Variants in RYR2 observed in about 807,000 individuals in gnomAD.
The protein encoded by RYR2 is cardiac muscle ryanodine receptor-calcium release channel.
A neutral mutation model predicts 601.1 loss-of-function variants in RYR2; 227 were observed. The ratio of observed to expected loss-of-function variants is 0.38; its 90% CI spans 0.34 to 0.42. The LOEUF (loss-of-function observed/expected upper bound fraction) is 0.42, where lower values mean the gene tolerates loss of function less well. Among genes scored for constraint, RYR2 ranks in the 10% least tolerant of loss-of-function variants. RYR2 has a pLI of 1.00. For missense variants in RYR2, 4,646 were observed against 6,156.5 expected (o/e 0.75, Z 8.21); for synonymous variants, 2,223 against 2,175.1 (o/e 1.02, Z -0.61).
intron 80 of RYR2, among the ~76,000 whole-genome samples, chr1:237,748,484 C>T (rs1692267087): frequency 6.6e-6 from 1 of 152,176 alleles, no homozygotes; most frequent in African/African-American, 2.4e-5. Flanking sequence ...CACAGTCTCT[C>T]CTTATCCATT....
At chr1:237,592,188 A>G (rs549546113) in intron 32 of RYR2, among the ~76,000 whole-genome samples, 47 of 152,312 alleles carry the variant, frequency 3.1e-4, no homozygotes, top group Admixed American at 2.5e-3. Context: ...ATCAATCATC[A>G]TAATTTGTGA....
intron 5 of RYR2, among the ~76,000 whole-genome samples, chr1:237,369,024 A>G (rs986840361): frequency 1.3e-5 from 2 of 151,766 alleles, no homozygotes; most frequent in African/African-American, 4.8e-5. Flanking sequence ...GGGTTTTGCC[A>G]TGTTGGCCAG....
intron 51 of RYR2, among the ~76,000 whole-genome samples, chr1:237,652,820 G>A (rs1449375617): frequency 6.6e-6 from 1 of 152,040 alleles, no homozygotes; most frequent in East Asian, 1.9e-4. Flanking sequence ...GTTAAGCCAA[G>A]CAAATTAGAA....
At chr1:237,063,400 G>A (rs1256316363) in intron 1 of RYR2, among the ~76,000 whole-genome samples, 1 of 151,964 alleles carries the variant, frequency 6.6e-6, no homozygotes, top group East Asian at 1.9e-4. Context: ...ATTAGCTTGT[G>A]AGTTATTCAT....
At chr1:237,752,186 T>A (rs181643360) in intron 80 of RYR2, among the ~76,000 whole-genome samples, 102 of 152,246 alleles carry the variant, frequency 6.7e-4, no homozygotes, top group African/African-American at 2.3e-3. Flanking sequence ...GGAAACTTCA[T>A]GTTTGTTTGT....
intron 56 of RYR2, among the ~76,000 whole-genome samples, chr1:237,666,027 C>G (rs964979548): frequency 2.0e-5 from 3 of 152,150 alleles, no homozygotes; most frequent in Non-Finnish European, 2.9e-5. Flanking sequence ...AAAGAAGTCT[C>G]TTCCTCGAGG....
In RYR2 at chr1:237,706,840, C is replaced by G. The variant is rs1236424740; in HGVS notation, c.9581-109C>G. 3.4e-6 allele frequency: 3 copies of G among 875,798 alleles called. No individual in the cohort carries two copies. In the Admixed American group the frequency reaches 5.9e-5, roughly 17 times the overall value. The allele number at this position is 875,798 out of a possible 1,614,324, so 54.3% of individuals were successfully genotyped here. A position where few individuals can be genotyped will look rare whatever the true frequency, so the allele number is the denominator to read the frequency against. ...GAAGGAGCCAGTTGCAGGCATGCCACGTCTTGCTAAATTTTGAAGTCCAAA... is the reference window on the plus strand; with the variant it reads ...GAAGGAGCCAGTTGCAGGCATGCCAGGTCTTGCTAAATTTTGAAGTCCAAA... On this transcript the variant is annotated intron_variant, in intron 67 of 104. Coordinates refer to ENST00000366574, the MANE Select transcript of RYR2 (RefSeq NM_001035.3).
At chr1:237,644,657 G>C (rs543760728) in intron 48 of RYR2, among the ~76,000 whole-genome samples, 2 of 152,096 alleles carry the variant, frequency 1.3e-5, no homozygotes, top group Non-Finnish European at 2.9e-5. Flanking sequence ...CAAATGTAAG[G>C]TGTTTTTTTT....
intron 1 of RYR2, among the ~76,000 whole-genome samples, chr1:237,235,881 T>C (rs1209326155): frequency 1.3e-5 from 2 of 152,204 alleles, no homozygotes; most frequent in Non-Finnish European, 2.9e-5. Context: ...CGTGCATATG[T>C]ATGTTGGAGG....
intron 1 of RYR2, among the ~76,000 whole-genome samples, chr1:237,053,246 A>G (rs1453974282): frequency 1.3e-5 from 2 of 152,234 alleles, no homozygotes; most frequent in Non-Finnish European, 2.9e-5. Flanking sequence ...GCTGGGAGTC[A>G]TGATCAGCTT....
intron 101 of RYR2, 98 bp from the exon 102 acceptor site, chr1:237,828,282 AG>A: frequency 1.3e-6 from 1 of 749,870 alleles, no homozygotes; most frequent in Non-Finnish European, 2.2e-6. Context: ...GCATTTTGCA[AG>A]GTAGTTGTAC....
intron 1 of RYR2, among the ~76,000 whole-genome samples, chr1:237,104,298 C>G (rs1435666144): frequency 6.6e-6 from 1 of 152,094 alleles, no homozygotes; most frequent in Non-Finnish European, 1.5e-5. Flanking sequence ...CTCCAGCTGT[C>G]CCTTTCATTA....
chr1:237,477,059 C>T (rs1572504159), intron 17 of RYR2, among the ~76,000 whole-genome samples: 2 of 152,070 alleles, frequency 1.3e-5, no homozygotes, highest in South Asian at 2.1e-4. Flanking sequence ...TAAAACCCAC[C>T]AAATCCATTA....
chr1:237,632,301 T>A (rs1432913197), intron 42 of RYR2, among the ~76,000 whole-genome samples: 1 of 152,154 alleles, frequency 6.6e-6, no homozygotes, highest in Non-Finnish European at 1.5e-5. Flanking sequence ...GACACAGACA[T>A]TGGTTGGTTT....
chr1:237,528,081 T>A (rs1667765442), intron 24 of RYR2, among the ~76,000 whole-genome samples: 1 of 152,130 alleles, frequency 6.6e-6, no homozygotes, highest in African/African-American at 2.4e-5. Flanking sequence ...TATTTAATAA[T>A]GGCCCCAATG....
At chr1:237,822,023 A>C (rs1372621732) in intron 101 of RYR2, among the ~76,000 whole-genome samples, 1 of 152,090 alleles carries the variant, frequency 6.6e-6, no homozygotes, top group Non-Finnish European at 1.5e-5. Flanking sequence ...ATATGGGACT[A>C]TGTGAAAAGA....
chr1:237,668,411 G>GTTA (rs1459202042), intron 58 of RYR2, among the ~76,000 whole-genome samples: 1 of 152,026 alleles, frequency 6.6e-6, no homozygotes, highest in Non-Finnish European at 1.5e-5. Flanking sequence ...TGTTCTCTTA[G>GTTA]TTATTTCTCA....
intron 29 of RYR2, among the ~76,000 whole-genome samples, chr1:237,586,044 C>T (rs1674485355): frequency 6.6e-6 from 1 of 152,144 alleles, no homozygotes; most frequent in Admixed American, 6.5e-5. Context: ...TTTCCATCAC[C>T]TCCTTTTTAA....
rs2150448517 is a variant in RYR2, at chr1:237,496,642, C to A, written c.2093C>A (p.Ala698Asp). ...GCAACTCACCTGCGAGTGGGCTGGG[C>A]TTCCACTGAAGGATATTCTCCCTAC... ...AEATHLRVGWASTEGYSPYPG... is the reference protein window; with the variant it reads ...AEATHLRVGWDSTEGYSPYPG... The change falls in exon 20 of 105, where the codon GCT becomes GAT. Residue 698 changes from alanine to aspartate, a missense_variant. Physicochemically the swap from Ala to Asp is moderately radical, Grantham distance 126. Around this residue, in one of 17 missense-constraint regions of RYR2, gnomAD observed 1,807 missense variants for 2,088.1 expected, o/e 0.87. Transcript: ENST00000366574. 5 of 1,613,978 alleles carry A rather than the reference C, an allele frequency of 3.1e-6. No individual in the cohort carries two copies. Among genetic ancestry groups the A allele is most frequent in the Non-Finnish European group, 3.4e-6 (4 of 1,179,890 alleles).
Sources: allele counts gnomAD v4.1 joint callset (sites outside exome capture counted in the v4.1 genomes callset), GRCh38; gene constraint gnomAD v4.1.1; regional missense constraint gnomAD v4.1.1; transcripts MANE v1.5; gene names NCBI Gene and HGNC (gene_info 2026-07-23, HGNC 2026-07-21).